The following SERGEF variants were observed in gnomAD, a reference collection of about 807,000 sequenced individuals.
SERGEF encodes secretion regulating guanine nucleotide exchange factor.
A neutral mutation model predicts 50.0 loss-of-function variants in SERGEF; 51 were observed. That is an observed-to-expected ratio of 1.02 (90% CI 0.81 to 1.29). The LOEUF is 1.29. SERGEF is among the 50% of genes most tolerant of loss of function. The pLI is 0.00. For missense variants in SERGEF, 521 were observed against 557.0 expected (o/e 0.94, Z 0.65); for synonymous variants, 205 against 212.4 (o/e 0.97, Z 0.30).
At chr11:17,788,697 T>C (rs951827976) in intron 10 of SERGEF, among the ~76,000 whole-genome samples, 3 of 152,128 alleles carry the variant, frequency 2.0e-5, no homozygotes, top group African/African-American at 7.2e-5. Flanking sequence ...CACCACCACA[T>C]ATAATCCATC....
At chr11:17,819,794 C>T (rs1033785188) in intron 10 of SERGEF, among the ~76,000 whole-genome samples, 1 of 152,186 alleles carries the variant, frequency 6.6e-6, no homozygotes, top group Non-Finnish European at 1.5e-5. Context: ...ACCAGAGGTG[C>T]TGGGCAAAAC....
chr11:17,865,639 A>G (rs1851008938), intron 10 of SERGEF, among the ~76,000 whole-genome samples: 1 of 152,090 alleles, frequency 6.6e-6, no homozygotes, highest in Non-Finnish European at 1.5e-5. Flanking sequence ...AATAATAATA[A>G]TTTAAGAAAT....
At chr11:17,866,397 G>T (rs1185891715) in intron 10 of SERGEF, among the ~76,000 whole-genome samples, 2 of 152,192 alleles carry the variant, frequency 1.3e-5, no homozygotes, top group East Asian at 3.8e-4. Context: ...AGGAGCAACA[G>T]GCTAAACCAT....
intron 5 of SERGEF, chr11:17,999,658 C>T (rs1019668476): frequency 1.2e-5 from 5 of 433,734 alleles, no homozygotes; most frequent in African/African-American, 6.1e-5. Flanking sequence ...ACCTCCCTGT[C>T]CCCCTCACAC....
intron 10 of SERGEF, among the ~76,000 whole-genome samples, chr11:17,876,171 A>C (rs1050080274): frequency 6.6e-6 from 1 of 152,196 alleles, no homozygotes; most frequent in Non-Finnish European, 1.5e-5. Context: ...AGGCAGGTAC[A>C]TATGTGCAGA....
intron 6 of SERGEF, among the ~76,000 whole-genome samples, chr11:17,995,493 G>A (rs941886086): frequency 6.6e-6 from 1 of 152,178 alleles, no homozygotes; most frequent in Admixed American, 6.5e-5. Context: ...ACAATATATA[G>A]TCATAGTGAG....
intron 9 of SERGEF, among the ~76,000 whole-genome samples, chr11:17,898,191 C>T (rs563925443): frequency 6.6e-6 from 1 of 152,188 alleles, no homozygotes; most frequent in Non-Finnish European, 1.5e-5. Context: ...AAGCAATATA[C>T]AGGTCAAATA....
intron 8 of SERGEF, among the ~76,000 whole-genome samples, chr11:17,968,405 A>G (rs1299588358): frequency 6.6e-6 from 1 of 152,224 alleles, no homozygotes; most frequent in East Asian, 1.9e-4. Context: ...GCTAGGGGCT[A>G]CTGCACTGAA....
intron 10 of SERGEF, among the ~76,000 whole-genome samples, chr11:17,840,130 A>T (rs2133861708): frequency 6.6e-6 from 1 of 152,332 alleles, no homozygotes; most frequent in African/African-American, 2.4e-5. Flanking sequence ...CATCTGCTCC[A>T]GTTATAAGAA....
intron 9 of SERGEF, among the ~76,000 whole-genome samples, chr11:17,951,684 A>G (rs1852777498): frequency 6.6e-6 from 1 of 152,194 alleles, no homozygotes; most frequent in African/African-American, 2.4e-5. Context: ...TCCAGAGAAG[A>G]AGCTGTTGGT....
chr11:17,930,214 G>A (rs1005767021), intron 9 of SERGEF, among the ~76,000 whole-genome samples: 1 of 152,174 alleles, frequency 6.6e-6, no homozygotes, highest in African/African-American at 2.4e-5. Context: ...TAAATAACAT[G>A]ATGTGGGTAA....
At chr11:17,963,351 T>G (rs1853053554) in intron 8 of SERGEF, among the ~76,000 whole-genome samples, 1 of 131,198 alleles carries the variant, frequency 7.6e-6, no homozygotes, top group Non-Finnish European at 1.6e-5. Context: ...TAAACTTGGT[T>G]GCTTACTATT....
chr11:17,944,996 A>G (rs1852631346), intron 9 of SERGEF, among the ~76,000 whole-genome samples: 2 of 152,222 alleles, frequency 1.3e-5, no homozygotes, highest in South Asian at 4.1e-4. Flanking sequence ...TGATAAGAAA[A>G]CTAGAGGAAA....
At position 17,832,351 on chromosome 11, in the gene SERGEF, G is replaced by C. The variant is rs971952605; in HGVS notation, c.1049-43938C>G. On this transcript the variant is annotated intron_variant, in intron 10 of 10. Coordinates refer to ENST00000265965, the MANE Select transcript of SERGEF (RefSeq NM_012139.4). ...CTGCAACCATGCACATAACATGTGA[G>C]TTGCTCATCCTTGCCTTCCGCCATG... Among the ~76,000 whole-genome samples, 34 of 152,306 alleles carry C rather than the reference G, an allele frequency of 2.2e-4. No homozygotes were observed. The East Asian group carries it at 4.2e-3, about 19-fold the overall frequency.
At chr11:17,952,962 G>A (rs1315040038) in intron 9 of SERGEF, among the ~76,000 whole-genome samples, 1 of 151,984 alleles carries the variant, frequency 6.6e-6, no homozygotes, top group Admixed American at 6.5e-5. Context: ...TCCTCCTCAA[G>A]TTCTTGCCAA....
intron 2 of SERGEF, among the ~76,000 whole-genome samples, 182 bp downstream of exon 2, chr11:18,007,758 GT>G (rs1430121134): frequency 5.9e-5 from 9 of 152,140 alleles, no homozygotes; most frequent in Admixed American, 2.0e-4. Flanking sequence ...GATCTCTGAA[GT>G]CCTTCTAGCC....
In SERGEF at chr11:17,942,018, G is replaced by A. The variant is rs77319425; in HGVS notation, c.1011+17452C>T. Reference sequence around the variant, plus strand: ...GTTGCTGAGACCTTGTAGATTTATAGCAAATTTGAAGTCGGGTTAGGTGGA... The same window carrying A: ...GTTGCTGAGACCTTGTAGATTTATAACAAATTTGAAGTCGGGTTAGGTGGA... On this transcript the variant is annotated intron_variant, in intron 9 of 10. Coordinates refer to ENST00000265965, the MANE Select transcript of SERGEF (RefSeq NM_012139.4). Among the ~76,000 whole-genome samples the A allele has an allele frequency of 6.3e-3, 806 of 127,910 alleles. 8 individuals are homozygous for A. Among genetic ancestry groups the A allele is most frequent in the African/African-American group, 0.021 (764 of 36,686 alleles). 83.9% of individuals were successfully genotyped at this position (127,910 alleles called of 152,430 possible).
chr11:17,837,808 G>A (rs1850429696), intron 10 of SERGEF, among the ~76,000 whole-genome samples: 2 of 151,648 alleles, frequency 1.3e-5, no homozygotes, highest in South Asian at 4.2e-4. Flanking sequence ...TCACAGGTGT[G>A]TGCTGCCACC....
At chr11:17,830,535 A>T (rs1029420697) in intron 10 of SERGEF, among the ~76,000 whole-genome samples, 4 of 149,974 alleles carry the variant, frequency 2.7e-5, no homozygotes, top group Non-Finnish European at 5.9e-5. Flanking sequence ...CAAGAGAGTG[A>T]GAGAGAGGAA....
Sources: allele counts gnomAD v4.1 joint callset (sites outside exome capture counted in the v4.1 genomes callset), GRCh38; gene constraint gnomAD v4.1.1; transcripts MANE v1.5; gene names NCBI Gene and HGNC (gene_info 2026-07-23, HGNC 2026-07-21).